Variants in TMEFF2 observed in about 807,000 individuals in gnomAD.
TMEFF2 encodes the protein transmembrane protein with EGF like and two follistatin like domains 2.
In TMEFF2, 28 loss-of-function variants were observed where a neutral mutation model predicts 53.8. The ratio of observed to expected loss-of-function variants is 0.52; its 90% CI spans 0.39 to 0.71. The LOEUF is 0.71. TMEFF2 is among the 30% of genes least tolerant of loss of function. TMEFF2 has a pLI of 0.00. For missense variants in TMEFF2, 353 were observed against 455.2 expected (o/e 0.78, Z 2.04); for synonymous variants, 162 against 166.3 (o/e 0.97, Z 0.20).
chr2:192,078,412 G>C (rs139873192), intron 4 of TMEFF2, among the ~76,000 whole-genome samples: 11 of 152,184 alleles, frequency 7.2e-5, no homozygotes, highest in African/African-American at 2.4e-4. Context: ...CCTTGGATCT[G>C]GACAAAAATA....
chr2:191,978,749 T>G (rs1032757233), intron 7 of TMEFF2, among the ~76,000 whole-genome samples: 2 of 152,186 alleles, frequency 1.3e-5, no homozygotes, highest in African/African-American at 4.8e-5. Flanking sequence ...TGCAGTCAGC[T>G]CTTCCTGGTA....
At chr2:192,105,848 G>C (rs1689133716) in intron 4 of TMEFF2, among the ~76,000 whole-genome samples, 1 of 151,820 alleles carries the variant, frequency 6.6e-6, no homozygotes, top group Admixed American at 6.6e-5. Flanking sequence ...CCAATTTTGA[G>C]GAACACTTTA....
At chr2:192,158,261 A>T (rs565655274) in intron 4 of TMEFF2, among the ~76,000 whole-genome samples, 5 of 152,118 alleles carry the variant, frequency 3.3e-5, no homozygotes, top group Non-Finnish European at 4.4e-5. Flanking sequence ...TATGATTATC[A>T]TTTCATAGAG....
intron 5 of TMEFF2, among the ~76,000 whole-genome samples, chr2:192,014,357 G>A (rs1011651944): frequency 1.3e-5 from 2 of 152,142 alleles, no homozygotes; most frequent in African/African-American, 2.4e-5. Context: ...TACATTCTTA[G>A]TATTAAAATC....
intron 4 of TMEFF2, among the ~76,000 whole-genome samples, chr2:192,138,327 CG>C (rs1394799981): frequency 2.6e-5 from 4 of 152,146 alleles, no homozygotes; most frequent in Non-Finnish European, 4.4e-5. Context: ...TCTGAGCCAA[CG>C]TAAGTGGCTA....
intron 5 of TMEFF2, among the ~76,000 whole-genome samples, chr2:192,018,295 A>G (rs180913316): frequency 4.6e-5 from 7 of 152,332 alleles, no homozygotes; most frequent in Admixed American, 1.3e-4. Context: ...TAGAATTTCT[A>G]TACATCACAG....
chr2:192,141,800 AAAG>A (rs1429925545), intron 4 of TMEFF2, among the ~76,000 whole-genome samples: 1 of 152,182 alleles, frequency 6.6e-6, no homozygotes, highest in Admixed American at 6.5e-5. Context: ...GGTGTATTAG[AAAG>A]AAGGTGACCA....
At chr2:192,000,722 T>C (rs1686336518) in intron 5 of TMEFF2, among the ~76,000 whole-genome samples, 1 of 152,228 alleles carries the variant, frequency 6.6e-6, no homozygotes, top group Non-Finnish European at 1.5e-5. Context: ...CCTAGATTGC[T>C]GTTTAAAAAT....
At chr2:191,997,458 A>C (rs976966045) in intron 7 of TMEFF2, among the ~76,000 whole-genome samples, 19 of 151,706 alleles carry the variant, frequency 1.3e-4, no homozygotes, top group African/African-American at 4.3e-4. Context: ...ACTCTTTTTG[A>C]TTGAATATTT....
chr2:192,050,170 G>A (rs1687732655), intron 5 of TMEFF2, among the ~76,000 whole-genome samples: 1 of 152,110 alleles, frequency 6.6e-6, no homozygotes, highest in African/African-American at 2.4e-5. Flanking sequence ...AAACTGCATG[G>A]CCTAATAAAT....
rs531389614 is a variant in TMEFF2, at chr2:192,177,164, C to A, written c.439+2504G>T. 2.0e-5 allele frequency: 3 copies of A among 151,306 alleles called. No homozygotes were observed. The East Asian group carries it at 5.8e-4, about 29-fold the overall frequency. 9.4% of individuals were successfully genotyped at this position (151,306 alleles called of 1,614,324 possible). On this transcript the variant is annotated intron_variant, in intron 4 of 9. Coordinates refer to ENST00000272771, the MANE Select transcript of TMEFF2 (RefSeq NM_016192.4). ...ATTAGCCAAACAATCACAAGTTATT[C>A]AATCACTTTTGCTTTATTCAAAAAT...
chr2:192,067,031 A>T (rs1286572204), intron 4 of TMEFF2, among the ~76,000 whole-genome samples: 1 of 151,844 alleles, frequency 6.6e-6, no homozygotes, highest in African/African-American at 2.4e-5. Flanking sequence ...CAGTTAGAGG[A>T]GATTGAGAAA....
At chr2:192,121,998 A>G (rs1414769846) in intron 4 of TMEFF2, among the ~76,000 whole-genome samples, 2 of 152,244 alleles carry the variant, frequency 1.3e-5, no homozygotes, top group East Asian at 1.9e-4. Flanking sequence ...GAGTGACTTT[A>G]GTTAACAATA....
intron 7 of TMEFF2, among the ~76,000 whole-genome samples, chr2:191,995,539 T>C (rs1330124045): frequency 6.6e-6 from 1 of 152,008 alleles, no homozygotes; most frequent in African/African-American, 2.4e-5. Flanking sequence ...TTTTAGCATA[T>C]GAAATAGTAA....
rs192661852 is a variant in TMEFF2, at chr2:192,153,045, C to A, written c.439+26623G>T. On this transcript the variant is annotated intron_variant, in intron 4 of 9. Transcript: ENST00000272771. ...TGGAAATGTTAAATTTAAGAAAATTCTTCAATGGTCAGTACAGAGCCTATA... is the reference window on the plus strand; with the variant it reads ...TGGAAATGTTAAATTTAAGAAAATTATTCAATGGTCAGTACAGAGCCTATA... 5.3e-5 allele frequency among the ~76,000 whole-genome samples: 8 copies of A among 151,434 alleles called. No homozygotes were observed. In the East Asian group the frequency reaches 1.6e-3, roughly 29 times the overall value.
intron 4 of TMEFF2, among the ~76,000 whole-genome samples, chr2:192,111,623 C>G (rs1689277384): frequency 6.6e-6 from 1 of 152,132 alleles, no homozygotes; most frequent in South Asian, 2.1e-4. Flanking sequence ...AAATTCAAGC[C>G]AGCTGCAGAA....
chr2:192,001,617 C>CTGG (rs1261494393), intron 5 of TMEFF2, among the ~76,000 whole-genome samples: 1 of 152,056 alleles, frequency 6.6e-6, no homozygotes, highest in African/African-American at 2.4e-5. Context: ...TGGGAGCGAC[C>CTGG]TGGTGGGAGA....
At chr2:191,986,942 C>T (rs1275675927) in intron 7 of TMEFF2, among the ~76,000 whole-genome samples, 1 of 151,708 alleles carries the variant, frequency 6.6e-6, no homozygotes, top group African/African-American at 2.4e-5. Context: ...GATTTTGTCT[C>T]CTTTTGGGGA....
intron 7 of TMEFF2, among the ~76,000 whole-genome samples, chr2:191,957,267 TAA>T (rs1692132780): frequency 6.6e-6 from 1 of 152,130 alleles, no homozygotes; most frequent in African/African-American, 2.4e-5. Flanking sequence ...CATTTTATGA[TAA>T]AACTTTTGAG....
Sources: allele counts gnomAD v4.1 joint callset (sites outside exome capture counted in the v4.1 genomes callset), GRCh38; gene constraint gnomAD v4.1.1; transcripts MANE v1.5; gene names NCBI Gene and HGNC (gene_info 2026-07-23, HGNC 2026-07-21).